ALG6: variants seen among roughly 807,000 people sequenced by gnomAD.
ALG6 encodes ALG6 alpha-1,3-glucosyltransferase, also known as dolichyl pyrophosphate Man9GlcNAc2 alpha-1,3-glucosyltransferase.
In ALG6, 46 loss-of-function variants were observed where a neutral mutation model predicts 66.6. The ratio of observed to expected loss-of-function variants is 0.69; its 90% CI spans 0.55 to 0.88. The LOEUF is 0.88. Among genes scored for constraint, ALG6 ranks in the 40% least tolerant of loss-of-function variants. ALG6 has a pLI of 0.00. For synonymous variants in ALG6, 185 were observed against 203.7 expected (o/e 0.91, Z 0.78); for missense variants, 505 against 586.8 (o/e 0.86, Z 1.44).
chr1:63,389,530 C>T (rs937771108), intron 2 of ALG6, among the ~76,000 whole-genome samples: 2 of 152,120 alleles, frequency 1.3e-5, no homozygotes, highest in African/African-American at 2.4e-5. Context: ...ATTTTGAATG[C>T]TCTGTTTGAA....
At position 63,414,256 on chromosome 1, in the gene ALG6, T is replaced by C. The variant is rs1313623348; in HGVS notation, c.902+110T>C. 1.6e-4 allele frequency: 38 copies of C among 235,160 alleles called. No homozygotes were observed. The South Asian group carries it at 2.8e-3, about 17-fold the overall frequency. 14.6% of individuals were successfully genotyped at this position (235,160 alleles called of 1,614,324 possible). The stretch of plus-strand genomic sequence containing the variant: ...TAGGGAATGAGGTGTTTTTCTTTTC[T>C]TTTTTTTTTTTTTGAGACAGAGTCT... On this transcript the variant is annotated intron_variant, in intron 10 of 14. Transcript: ENST00000263440.
chr1:63,424,746 A>AT (rs1408779993), intron 12 of ALG6, among the ~76,000 whole-genome samples: 1 of 140,114 alleles, frequency 7.1e-6, no homozygotes, highest in Non-Finnish European at 1.6e-5. Flanking sequence ...TAGCTCTTAT[A>AT]TTTATGTCTT....
chr1:63,417,422 A>G (rs1456491315), intron 11 of ALG6, among the ~76,000 whole-genome samples: 1 of 152,188 alleles, frequency 6.6e-6, no homozygotes, highest in Non-Finnish European at 1.5e-5. Context: ...AAAAGAAGCC[A>G]TTGTGTTAAA....
At position 63,428,925 on chromosome 1, in the gene ALG6, C is replaced by T. The variant is rs1192591598; in HGVS notation, c.1128-3C>T. 3.1e-6 allele frequency: 5 copies of T among 1,612,440 alleles called. No individual in the cohort carries two copies. The highest frequency in any genetic ancestry group is 2.5e-6 in the Non-Finnish European group (3 of 1,179,146). On this transcript the variant is annotated splice_region_variant and splice_polypyrimidine_tract_variant and intron_variant, in intron 13 of 14. Coordinates refer to ENST00000263440, the MANE Select transcript of ALG6 (RefSeq NM_013339.4). ...TGTGATTTTTAAAAATTTTCCTTTA[C>T]AGTATGCTACCTCTTCTATTGAAGG...
intron 2 of ALG6, among the ~76,000 whole-genome samples, chr1:63,372,705 G>C (rs962339440): frequency 6.6e-6 from 1 of 152,062 alleles, no homozygotes; most frequent in African/African-American, 2.4e-5. Flanking sequence ...TGTCACCCAG[G>C]CTGGAGTGCA....
intron 2 of ALG6, 126 bp from the exon 3 acceptor site, chr1:63,396,387 G>C (rs1385128135): frequency 1.3e-6 from 1 of 794,186 alleles, no homozygotes; most frequent in Admixed American, 2.1e-5. Flanking sequence ...TGACTTTCTC[G>C]GTAACTCCTG....
At chr1:63,386,270 GT>G (rs111553352) in intron 2 of ALG6, among the ~76,000 whole-genome samples, 4 of 151,096 alleles carry the variant, frequency 2.6e-5, no homozygotes, top group East Asian at 1.9e-4. Flanking sequence ...TTGGCTTGTA[GT>G]TTTTTTTTCT....
chr1:63,409,037 C>T lies in ALG6; in HGVS notation c.494+1911C>T, dbSNP rs539268373. 3.4e-3 allele frequency among the ~76,000 whole-genome samples: 515 copies of T among 152,300 alleles called. 4 individuals are homozygous for T. Among genetic ancestry groups the T allele is most frequent in the Non-Finnish European group, 4.3e-3 (292 of 68,028 alleles). On this transcript the variant is annotated intron_variant, in intron 7 of 14. Transcript: ENST00000263440. Reference sequence around the variant, plus strand: ...TCAAGTGATCCACCCACCTTGGCCTCCCAGAGTGCTGGGATTATAGGTGTG... The same window carrying T: ...TCAAGTGATCCACCCACCTTGGCCTTCCAGAGTGCTGGGATTATAGGTGTG...
chr1:63,383,600 C>A (rs1351868185), intron 2 of ALG6, among the ~76,000 whole-genome samples: 1 of 152,086 alleles, frequency 6.6e-6, no homozygotes, highest in Non-Finnish European at 1.5e-5. Flanking sequence ...TGTTTTGATA[C>A]AAGCATACAA....
rs1644691978 is a variant in ALG6, at chr1:63,437,529, A to G, written c.*509A>G. 6.5e-6 allele frequency: 1 copy of G among 153,442 alleles called. No individual in the cohort carries two copies. Among genetic ancestry groups the G allele is most frequent in the South Asian group, 2.0e-4 (1 of 4,906 alleles). 9.5% of individuals were successfully genotyped at this position (153,442 alleles called of 1,614,324 possible). On this transcript the variant is annotated 3_prime_UTR_variant, in exon 15 of 15. Transcript: ENST00000263440. ...CTGTTTAGAAGTCATATCTTAGGGA[A>G]TTAAATTTGTGATAATCTTTTTAAT...
At chr1:63,386,937 C>T (rs1481655760) in intron 2 of ALG6, among the ~76,000 whole-genome samples, 4 of 151,990 alleles carry the variant, frequency 2.6e-5, no homozygotes, top group Non-Finnish European at 5.9e-5. Context: ...TATAAACTTT[C>T]CTCTTAGTAC....
At chr1:63,390,164 G>A (rs1308312234) in intron 2 of ALG6, among the ~76,000 whole-genome samples, 1 of 152,204 alleles carries the variant, frequency 6.6e-6, no homozygotes, top group Non-Finnish European at 1.5e-5. Flanking sequence ...CCTTTCCTTA[G>A]GGTGGCAGCT....
chr1:63,394,262 C>A (rs931257878), intron 2 of ALG6, among the ~76,000 whole-genome samples: 7 of 152,182 alleles, frequency 4.6e-5, no homozygotes, highest in Non-Finnish European at 7.4e-5. Flanking sequence ...GTTTAAAAAG[C>A]TGTGATTATA....
Position 63,407,139 on chromosome 1 carries a change from A to G in ALG6, c.494+13A>G. 1.3e-6 allele frequency: 2 copies of G among 1,581,886 alleles called. No individual in the cohort carries two copies. The highest frequency in any genetic ancestry group is 2.2e-5 in the South Asian group (2 of 90,366). On this transcript the variant is annotated intron_variant, in intron 7 of 14. Transcript: ENST00000263440. ...ATGGACATTTTCAGTATCCTTTACT[A>G]ATGCAGAAATGAAGTCAGTTGCATA...
intron 11 of ALG6, 49 bp from the exon 12 acceptor site, chr1:63,419,321 G>A (rs1250037799): frequency 1.5e-6 from 2 of 1,321,546 alleles, no homozygotes; most frequent in South Asian, 1.2e-5. Context: ...AACTTGATAT[G>A]CTATTTCACA....
At chr1:63,410,354 A>G (rs1252519685) in intron 7 of ALG6, among the ~76,000 whole-genome samples, 2 of 152,122 alleles carry the variant, frequency 1.3e-5, no homozygotes, top group Non-Finnish European at 2.9e-5. Context: ...TCCTGGGCTC[A>G]AGCAGTCCTC....
At chr1:63,417,256 A>G (rs1644550211) in intron 11 of ALG6, among the ~76,000 whole-genome samples, 1 of 152,240 alleles carries the variant, frequency 6.6e-6, no homozygotes, top group South Asian at 2.1e-4. Context: ...TAGGAAGTAG[A>G]ATGCTAAATA....
At chr1:63,371,204 C>T in intron 2 of ALG6, 145 bp downstream of exon 2, 1 of 642,162 alleles carries the variant, frequency 1.6e-6, no homozygotes, top group Non-Finnish European at 2.8e-6. Context: ...TTTAAATGTC[C>T]AGTTCTAATA....
intron 7 of ALG6, among the ~76,000 whole-genome samples, chr1:63,410,416 G>A (rs557188658): frequency 6.6e-6 from 1 of 152,018 alleles, no homozygotes; most frequent in African/African-American, 2.4e-5. Flanking sequence ...CACCACACTC[G>A]GCTAATTTAA....
Sources: gnomAD v4.1 joint callset for allele counts (sites outside exome capture counted in the v4.1 genomes callset) on GRCh38, gnomAD v4.1.1 for gene constraint, MANE v1.5 for transcripts, NCBI Gene and HGNC (gene_info 2026-07-23, HGNC 2026-07-21) for gene names.